The following SPATA13 variants were observed in gnomAD, a reference collection of about 807,000 sequenced individuals.
SPATA13 encodes the protein spermatogenesis-associated protein 13.
In SPATA13, 50 loss-of-function variants were observed where a neutral mutation model predicts 104.0. The ratio of observed to expected loss-of-function variants is 0.48; its 90% CI spans 0.38 to 0.61. SPATA13 has a LOEUF of 0.61. Ranked by LOEUF, SPATA13 falls within the 20% of genes least tolerant of loss-of-function variation. SPATA13 has a pLI of 0.00. For missense variants in SPATA13, 1,524 were observed against 1,690.6 expected (o/e 0.90, Z 1.73); for synonymous variants, 606 against 667.5 (o/e 0.91, Z 1.42).
At chr13:24,031,128 T>A (rs113943373) in intron 3 of SPATA13, among the ~76,000 whole-genome samples, 1 of 152,240 alleles carries the variant, frequency 6.6e-6, no homozygotes, top group East Asian at 1.9e-4. Flanking sequence ...TGTGGCTGAT[T>A]TATTCATTGA....
rs948035167 is a variant in SPATA13, at chr13:24,222,884, T to G, written c.-46T>G. ...AGTGCCAGGACGGCATTCCTGGAGA[T>G]GAAGGCCTGGAGCTGCGGTCTGCGG... is the stretch of plus-strand genomic sequence containing the variant. On this transcript the variant is annotated 5_prime_UTR_variant, in exon 2 of 13. An upstream start codon of the reference 5' UTR is lost. Coordinates refer to ENST00000382108, the MANE Select transcript of SPATA13 (RefSeq NM_001166271.3). 17 of 1,547,154 alleles carry G rather than the reference T, an allele frequency of 1.1e-5. No individual in the cohort carries two copies. The Admixed American group carries it at 3.3e-4, about 30-fold the overall frequency.
chr13:24,086,222 C>A (rs1879714078), intron 3 of SPATA13, among the ~76,000 whole-genome samples: 1 of 152,182 alleles, frequency 6.6e-6, no homozygotes, highest in African/African-American at 2.4e-5. Context: ...TTCAGATAAA[C>A]AACAAATATC....
At chr13:24,221,721 A>G (rs35197911) in intron 1 of SPATA13, among the ~76,000 whole-genome samples, 43,199 of 151,684 alleles carry the variant, frequency 0.28, 6,514 homozygotes, top group East Asian at 0.5. Flanking sequence ...TGGGATGGGC[A>G]TGGGTGCAGT....
chr13:24,264,692 G>A (rs1172655159), intron 4 of SPATA13, among the ~76,000 whole-genome samples: 2 of 152,200 alleles, frequency 1.3e-5, no homozygotes, highest in African/African-American at 4.8e-5. Flanking sequence ...TGTTATGTTT[G>A]AAATGTGCTT....
chr13:24,180,513 G>T (rs1284506212), intron 1 of SPATA13, among the ~76,000 whole-genome samples: 1 of 152,126 alleles, frequency 6.6e-6, no homozygotes, highest in Non-Finnish European at 1.5e-5. Flanking sequence ...GGATCAGCTT[G>T]CAAATCATGC....
At chr13:24,070,036 G>A (rs896442297) in intron 3 of SPATA13, among the ~76,000 whole-genome samples, 2 of 152,218 alleles carry the variant, frequency 1.3e-5, no homozygotes, top group Non-Finnish European at 2.9e-5. Flanking sequence ...AGGCTAGGCA[G>A]CATGGACATT....
chr13:24,076,888 G>A (rs1042308858), intron 3 of SPATA13, among the ~76,000 whole-genome samples: 2 of 151,772 alleles, frequency 1.3e-5, no homozygotes, highest in African/African-American at 4.8e-5. Flanking sequence ...TTGGATTCAC[G>A]GCCAGATGGG....
chr13:24,269,781 A>G (rs1331092338), intron 4 of SPATA13, among the ~76,000 whole-genome samples: 1 of 106,846 alleles, frequency 9.4e-6, no homozygotes, highest in African/African-American at 3.6e-5. Flanking sequence ...TAGAGACAGG[A>G]CCTTGCTATG....
chr13:24,181,931 A>G (rs982775960), intron 1 of SPATA13, among the ~76,000 whole-genome samples: 27 of 152,198 alleles, frequency 1.8e-4, no homozygotes, highest in African/African-American at 5.8e-4. Flanking sequence ...CCTGGTCAAC[A>G]TGGTGAAACC....
chr13:24,286,328 A>G lies in SPATA13; in HGVS notation c.2416A>G (p.Asn806Asp). 1 of 1,613,584 alleles carries G rather than the reference A, an allele frequency of 6.2e-7. No individual in the cohort carries two copies. Among genetic ancestry groups the G allele is most frequent in the Non-Finnish European group, 8.5e-7 (1 of 1,180,026 alleles). Residue 806 changes from asparagine to aspartate, a missense_variant, in exon 6 of 13, where the codon AAC (asparagine) becomes GAC (aspartate). This residue lies in a region of SPATA13 where 1,089 missense variants were observed against 1,135.9 expected (regional missense o/e 0.96). Transcript: ENST00000382108. This position sits in a 1 kb window ranked among gnomAD's most constrained non-coding sequence, Gnocchi z 4.9. ...GDVIQVLEAS[N>D]KDWWWGRSED... ...TGTCATCCAGGTTCTGGAAGCCTCC[A>G]ACAAGGACTGGTGGTGGGGCCGCAG... is the stretch of plus-strand genomic sequence containing the variant.
At chr13:24,285,834 C>G (rs184709802) in intron 5 of SPATA13, among the ~76,000 whole-genome samples, 12 of 152,258 alleles carry the variant, frequency 7.9e-5, no homozygotes, top group African/African-American at 2.4e-4. Context: ...GAGCCCACCA[C>G]CACGCCTGGC....
intron 2 of SPATA13, among the ~76,000 whole-genome samples, chr13:24,014,562 A>G (rs1195913309): frequency 6.6e-6 from 1 of 152,244 alleles, no homozygotes; most frequent in East Asian, 1.9e-4. Context: ...GAAAATCATA[A>G]GAAAGAGAAA....
intron 4 of SPATA13, among the ~76,000 whole-genome samples, chr13:24,256,841 G>A (rs999023898): frequency 2.0e-5 from 3 of 152,234 alleles, no homozygotes; most frequent in African/African-American, 4.8e-5. Flanking sequence ...GAGCCTTATC[G>A]GAGGGAAGAG....
rs375379459 is a variant in SPATA13 at position 24,233,417 on chromosome 13, A to T, written c.1653+8835A>T. 3.9e-5 allele frequency among the ~76,000 whole-genome samples: 6 copies of T among 152,284 alleles called. No individual in the cohort carries two copies. The East Asian group carries it at 9.7e-4, about 25-fold the overall frequency. On this transcript the variant is annotated intron_variant, in intron 2 of 12. Coordinates refer to ENST00000382108, the MANE Select transcript of SPATA13 (RefSeq NM_001166271.3). ...TTTTAATGTGATCTGAAGAGAATTA[A>T]TGTGCCTTCTATGAGTCATCTTTGT...
At chr13:24,072,635 C>T (rs1162691843) in intron 3 of SPATA13, among the ~76,000 whole-genome samples, 1 of 152,122 alleles carries the variant, frequency 6.6e-6, no homozygotes, top group East Asian at 1.9e-4. Flanking sequence ...AATCTGCCTT[C>T]TGGATTTCAT....
At chr13:24,044,973 C>T (rs1445258530) in intron 3 of SPATA13, among the ~76,000 whole-genome samples, 3 of 152,088 alleles carry the variant, frequency 2.0e-5, no homozygotes, top group Non-Finnish European at 4.4e-5. Context: ...AAGTTGTGAG[C>T]CTTTTAAAAT....
At chr13:24,113,368 C>T (rs1880711231) in intron 3 of SPATA13, among the ~76,000 whole-genome samples, 1 of 151,208 alleles carries the variant, frequency 6.6e-6, no homozygotes, top group South Asian at 2.1e-4. Flanking sequence ...TTTGGGAGGC[C>T]AAGGCGGGTG....
chr13:24,030,834 C>T (rs1014651740), intron 3 of SPATA13, among the ~76,000 whole-genome samples: 6 of 152,062 alleles, frequency 3.9e-5, no homozygotes, highest in African/African-American at 1.2e-4. Context: ...GTGGAAAAGA[C>T]CTTTATGTAG....
intron 4 of SPATA13, among the ~76,000 whole-genome samples, chr13:24,263,403 T>C (rs566817488): frequency 6.6e-6 from 1 of 152,282 alleles, no homozygotes; most frequent in South Asian, 2.1e-4. Flanking sequence ...TCCCCCTACA[T>C]CTCACTTTAT....
Sources: allele counts gnomAD v4.1 joint callset (sites outside exome capture counted in the v4.1 genomes callset), GRCh38; gene constraint gnomAD v4.1.1; regional missense constraint gnomAD v4.1.1; non-coding constraint Gnocchi (gnomAD v3.1); transcripts MANE v1.5; gene names NCBI Gene and HGNC (gene_info 2026-07-23, HGNC 2026-07-21).